CSMD1: variants seen among roughly 807,000 people sequenced by gnomAD.
The protein encoded by CSMD1 is CUB and sushi domain-containing protein 1.
A neutral mutation model predicts 417.5 loss-of-function variants in CSMD1; 213 were observed. The ratio of observed to expected loss-of-function variants is 0.51; its 90% CI spans 0.46 to 0.57. The LOEUF (loss-of-function observed/expected upper bound fraction) is 0.57. CSMD1 is among the 20% of genes least tolerant of loss of function. The pLI, the probability that CSMD1 is intolerant of heterozygous loss-of-function variation, is 0.00. For missense variants in CSMD1, 6,923 were observed against 4,529.7 expected (o/e 1.53, Z -15.17); for synonymous variants, 2,862 against 1,736.8 (o/e 1.65, Z -16.11).
At chr8:3,764,824 G>A (rs1798186376) in intron 5 of CSMD1, among the ~76,000 whole-genome samples, 1 of 148,614 alleles carries the variant, frequency 6.7e-6, no homozygotes, top group African/African-American at 2.5e-5. Context: ...TTGGCTCAGT[G>A]AAACCTCTGC....
chr8:4,401,614 C>T (rs1189125337), intron 3 of CSMD1, among the ~76,000 whole-genome samples: 2 of 152,076 alleles, frequency 1.3e-5, no homozygotes, highest in African/African-American at 2.4e-5. Context: ...CCTCGGTCAC[C>T]ACAAGAATCC....
At chr8:4,657,483 T>G (rs759862012) in intron 1 of CSMD1, among the ~76,000 whole-genome samples, 22 of 152,246 alleles carry the variant, frequency 1.4e-4, no homozygotes, top group Non-Finnish European at 2.9e-4. Flanking sequence ...AAAACGCTGT[T>G]TAAACATTAG....
intron 1 of CSMD1, among the ~76,000 whole-genome samples, chr8:4,740,059 C>A (rs751269813): frequency 6.6e-6 from 1 of 152,020 alleles, no homozygotes; most frequent in African/African-American, 2.4e-5. Flanking sequence ...TGGGAATGAT[C>A]TCTGAGAACT....
chr8:4,314,603 TCACA>T (rs10610837), intron 3 of CSMD1, among the ~76,000 whole-genome samples: 164 of 150,232 alleles, frequency 1.1e-3, no homozygotes, highest in African/African-American at 2.8e-3. Flanking sequence ...TATTACATTT[TCACA>T]CACACACACA....
At chr8:3,219,568 C>A in intron 28 of CSMD1, 126 bp from the exon 29 acceptor site, 7 of 618,916 alleles carry the variant, frequency 1.1e-5, no homozygotes, top group South Asian at 1.1e-4. Flanking sequence ...TTAGGGCAAT[C>A]AAAAAGTTAA....
chr8:3,468,078 G>T (rs1054994457), intron 12 of CSMD1, among the ~76,000 whole-genome samples: 1 of 152,146 alleles, frequency 6.6e-6, no homozygotes, highest in Non-Finnish European at 1.5e-5. Flanking sequence ...AGAATCCAAA[G>T]ATCACAACTA....
At chr8:3,441,834 T>C (rs546057151) in intron 12 of CSMD1, among the ~76,000 whole-genome samples, 1 of 85,646 alleles carries the variant, frequency 1.2e-5, no homozygotes, top group African/African-American at 5.6e-5. Flanking sequence ...ACTATGCTCC[T>C]TATACTTACA....
At chr8:3,860,916 T>C (rs1016415233) in intron 5 of CSMD1, among the ~76,000 whole-genome samples, 22 of 152,204 alleles carry the variant, frequency 1.4e-4, no homozygotes, top group African/African-American at 4.6e-4. Flanking sequence ...CTCTATACTA[T>C]AGAATTATTT....
At chr8:3,289,836 T>C (rs2117269678) in intron 25 of CSMD1, among the ~76,000 whole-genome samples, 1 of 147,426 alleles carries the variant, frequency 6.8e-6, no homozygotes, top group Non-Finnish European at 1.5e-5. Context: ...TTTAATTAGA[T>C]ACCATTTGTC....
chr8:3,017,256 A>G (rs932130365), intron 52 of CSMD1, among the ~76,000 whole-genome samples: 1 of 152,206 alleles, frequency 6.6e-6, no homozygotes, highest in Non-Finnish European at 1.5e-5. Context: ...TCCAGGCAGA[A>G]GAGCTTGTCC....
At chr8:3,824,551 G>A (rs983877954) in intron 5 of CSMD1, among the ~76,000 whole-genome samples, 5 of 152,158 alleles carry the variant, frequency 3.3e-5, no homozygotes, top group Admixed American at 6.5e-5. Context: ...AACATGCACT[G>A]CAAGGGCAAA....
chr8:3,198,756 T>G (rs1236137124), intron 33 of CSMD1, among the ~76,000 whole-genome samples: 3 of 152,174 alleles, frequency 2.0e-5, no homozygotes, highest in Non-Finnish European at 4.4e-5. Flanking sequence ...ATACTCCACC[T>G]TTTTAAAAAA....
chr8:4,530,314 C>CTGTTTTTTTTTTTTTTT (rs1796739393), intron 2 of CSMD1, among the ~76,000 whole-genome samples: 1 of 46,658 alleles, frequency 2.1e-5, no homozygotes, highest in Non-Finnish European at 3.7e-5. Flanking sequence ...ACAGGTAGTG[C>CTGTTTTTTTTTTTTTTT]TTTTTTTTTT....
intron 7 of CSMD1, among the ~76,000 whole-genome samples, chr8:3,648,656 A>G (rs1797695507): frequency 6.6e-6 from 1 of 152,188 alleles, no homozygotes; most frequent in African/African-American, 2.4e-5. Context: ...AACTGACCTT[A>G]CTTTGAAACA....
At chr8:3,199,027 C>G (rs1206177735) in intron 33 of CSMD1, among the ~76,000 whole-genome samples, 2 of 152,168 alleles carry the variant, frequency 1.3e-5, no homozygotes, top group East Asian at 3.9e-4. Context: ...AGACTTAATC[C>G]AAGCTTCTGA....
chr8:3,866,724 T>A (rs1805130315), intron 5 of CSMD1, among the ~76,000 whole-genome samples: 2 of 152,100 alleles, frequency 1.3e-5, no homozygotes, highest in Non-Finnish European at 2.9e-5. Context: ...CCTTGGCCAC[T>A]ACAAAGCCAC....
intron 1 of CSMD1, among the ~76,000 whole-genome samples, chr8:4,642,823 T>C (rs1803281781): frequency 6.6e-6 from 1 of 152,174 alleles, no homozygotes; most frequent in Non-Finnish European, 1.5e-5. Context: ...AGAGCAAATG[T>C]TTGGACATCA....
chr8:4,788,491 C>T (rs1585099412), intron 1 of CSMD1: 1 of 1,346,268 alleles, frequency 7.4e-7, no homozygotes, highest in Non-Finnish European at 1.1e-6. Context: ...TTGGGGTAGA[C>T]AACCATTTAG....
At chr8:3,389,881 C>A (rs968536833) in intron 17 of CSMD1, among the ~76,000 whole-genome samples, 1 of 152,124 alleles carries the variant, frequency 6.6e-6, no homozygotes, top group African/African-American at 2.4e-5. Context: ...ATAATTGACA[C>A]CACTATTGAA....
Sources: allele counts gnomAD v4.1 joint callset (sites outside exome capture counted in the v4.1 genomes callset), GRCh38; gene constraint gnomAD v4.1.1; transcripts MANE v1.5; gene names NCBI Gene and HGNC (gene_info 2026-07-23, HGNC 2026-07-21).